SYNJ1: variants seen among roughly 807,000 people sequenced by gnomAD.
SYNJ1 encodes synaptojanin 1, also known as polyphosphatidylinositol phosphatase SYNJ1.
A neutral mutation model predicts 168.2 loss-of-function variants in SYNJ1; 78 were observed. The ratio of observed to expected loss-of-function variants is 0.46; its 90% CI spans 0.39 to 0.56. The LOEUF is 0.56. SYNJ1 is among the 20% of genes least tolerant of loss of function. SYNJ1 has a pLI of 0.00. For synonymous variants in SYNJ1, 539 were observed against 548.6 expected, an observed-to-expected ratio of 0.98 and a Z score of 0.24; for missense variants, 1,303 against 1,597.6, an observed-to-expected ratio of 0.82 and a Z score of 3.14.
chr21:32,632,028 A>G (rs1430847022), intron 32 of SYNJ1, among the ~76,000 whole-genome samples: 1 of 152,226 alleles, frequency 6.6e-6, no homozygotes, highest in Non-Finnish European at 1.5e-5. Flanking sequence ...CCATTTTTAA[A>G]TCCCTCAAAA....
intron 1 of SYNJ1, 21 bp from the exon 2 acceptor site, chr21:32,726,938 A>G (rs760069761): frequency 6.2e-7 from 1 of 1,612,036 alleles, no homozygotes; most frequent in Admixed American, 1.7e-5. Context: ...CAAGCAAAGC[A>G]AAGCAAATGA....
chr21:32,642,056 C>T, intron 28 of SYNJ1, 39 bp downstream of exon 28: 1 of 1,613,492 alleles, frequency 6.2e-7, no homozygotes, highest in East Asian at 2.2e-5. Flanking sequence ...TTTCACGGTC[C>T]AGTTTTAAGG....
chr21:32,660,931 T>C (rs2040673938), intron 18 of SYNJ1, among the ~76,000 whole-genome samples: 1 of 152,216 alleles, frequency 6.6e-6, no homozygotes, highest in Non-Finnish European at 1.5e-5. Flanking sequence ...CTCAGTGGCC[T>C]TAGGAAACTC....
At chr21:32,645,527 G>C in intron 25 of SYNJ1, 119 bp downstream of exon 25, 1 of 1,304,094 alleles carries the variant, frequency 7.7e-7, no homozygotes, top group South Asian at 1.7e-5. Context: ...CTAAGAAATA[G>C]CAATAATGAT....
chr21:32,688,605 G>A (rs113891683), intron 6 of SYNJ1, among the ~76,000 whole-genome samples: 6 of 152,000 alleles, frequency 3.9e-5, no homozygotes, highest in South Asian at 2.1e-4. Context: ...TGAAATACTC[G>A]TAAACTAGTA....
At chr21:32,669,088 T>C (rs1002485778) in intron 15 of SYNJ1, among the ~76,000 whole-genome samples, 1 of 152,218 alleles carries the variant, frequency 6.6e-6, no homozygotes, top group Admixed American at 6.5e-5. Flanking sequence ...CTTTTTAATA[T>C]TCTGTGTGAT....
chr21:32,728,043 C>A, upstream of SYNJ1: 2 of 1,530,002 alleles, frequency 1.3e-6, no homozygotes, highest in African/African-American at 1.4e-5. Context: ...TTCCGCATTG[C>A]GCCGCGGCCG....
chr21:32,712,348 G>C (rs892782060), intron 2 of SYNJ1, among the ~76,000 whole-genome samples: 1 of 152,162 alleles, frequency 6.6e-6, no homozygotes, highest in African/African-American at 2.4e-5. Flanking sequence ...AAAAAGAGTA[G>C]AGATTAGATC....
At chr21:32,728,142 A>G (rs1018677588), upstream of SYNJ1, 2 of 1,326,908 alleles carry the variant, frequency 1.5e-6, no homozygotes, top group Middle Eastern at 2.6e-4. Flanking sequence ...TGGGCCTGGC[A>G]CCCGCGGGCG....
chr21:32,643,476 G>T lies in SYNJ1; in HGVS notation c.3431-19C>A, dbSNP rs113557692. The stretch of plus-strand genomic sequence containing the variant: ...CCAATACCTTTTTAGAGAAAGAACA[G>T]AAACTATATATTGTTCAGGGCCCAC... On this transcript the variant is annotated intron_variant, in intron 26 of 32. Coordinates refer to ENST00000674351, the MANE Select transcript of SYNJ1 (RefSeq NM_203446.3). 1 of 1,612,166 alleles carries T rather than the reference G, an allele frequency of 6.2e-7. No homozygotes were observed.
intron 3 of SYNJ1, 47 bp downstream of exon 3, chr21:32,701,914 A>C: frequency 7.1e-7 from 1 of 1,414,150 alleles, no homozygotes; most frequent in Non-Finnish European, 9.6e-7. Flanking sequence ...TAGAATTACA[A>C]AATAGAAATG....
At chr21:32,642,213 G>T (rs113289244) in intron 27 of SYNJ1, 80 bp from the exon 28 acceptor site, 9 of 1,520,976 alleles carry the variant, frequency 5.9e-6, no homozygotes, top group Non-Finnish European at 8.2e-6. Flanking sequence ...TTGCTGTTCT[G>T]CTTCATTACC....
rs1302356872 is a variant in SYNJ1 at position 32,684,043 on chromosome 21, A to C, written c.1195T>G (p.Leu399Val). 1.9e-6 allele frequency: 3 copies of C among 1,613,468 alleles called. No individual in the cohort carries two copies. In the African/African-American group the frequency reaches 4.0e-5, roughly 22 times the overall value. Residue 399 changes from leucine (L) to valine (V), a missense_variant, in exon 10 of 33, where the codon TTA (leucine) becomes GTA (valine). Transcript: ENST00000674351. Reference protein sequence around the residue: ...RTNSVQAFLGLEMLAKQLEAL... With the variant: ...RTNSVQAFLGVEMLAKQLEAL... ...ATTTTAATTTATTCTTTTACCTCTA[A>C]GCCAAGAAATGCCTGCACACTATTT... is the stretch of plus-strand genomic sequence containing the variant.
rs2040514726 is a variant in SYNJ1 at position 32,657,744 on chromosome 21, T to C, written c.2433A>G (p.Arg811=). Reference sequence around the variant, plus strand: ...ATCTATCAAAAGGCCATTTCCTCCTTCTCCAAAGGACACGGTCTGTCCAGG... The same window carrying C: ...ATCTATCAAAAGGCCATTTCCTCCTCCTCCAAAGGACACGGTCTGTCCAGG... ...TPAWTDRVLW[R]RRKWPFDRSA... is the part of the protein sequence containing the mutation. The change falls in exon 19 of 33, where the codon AGA becomes AGG. Residue 811 remains arginine (R), a synonymous_variant. Coordinates refer to ENST00000674351, the MANE Select transcript of SYNJ1 (RefSeq NM_203446.3). 3.7e-6 allele frequency: 6 copies of C among 1,607,102 alleles called. No individual in the cohort carries two copies. The highest frequency in any genetic ancestry group is 5.1e-6 in the Non-Finnish European group (6 of 1,178,084).
chr21:32,694,452 C>T lies in SYNJ1; in HGVS notation c.706-141G>A, dbSNP rs550549475. The T allele has an allele frequency of 1.5e-3, 834 of 571,706 alleles. 1 individual carries two copies. Among genetic ancestry groups the T allele is most frequent in the Non-Finnish European group, 2.0e-3 (717 of 366,836 alleles). 35.4% of individuals were successfully genotyped at this position (571,706 alleles called of 1,614,324 possible). A position where few individuals can be genotyped will look rare whatever the true frequency, so the allele number is the denominator to read the frequency against. On this transcript the variant is annotated intron_variant, in intron 5 of 32. Transcript: ENST00000674351. ...CTCATATACAATTGTCCAAAACAGG[C>T]CACTATACAGGTTTGACTTTTTTTT...
chr21:32,723,804 G>A (rs1181439783), intron 2 of SYNJ1, among the ~76,000 whole-genome samples: 1 of 152,134 alleles, frequency 6.6e-6, no homozygotes, highest in Non-Finnish European at 1.5e-5. Context: ...ACTCCAGCCT[G>A]GGTGACAGAA....
intron 6 of SYNJ1, among the ~76,000 whole-genome samples, chr21:32,689,066 T>C (rs866147531): frequency 2.0e-5 from 3 of 152,210 alleles, no homozygotes; most frequent in Admixed American, 6.5e-5. Context: ...CTATTGTATA[T>C]TGTTATAATT....
In SYNJ1 at chr21:32,688,604, C is replaced by T. The variant is rs553431100; in HGVS notation, c.790-237G>A. Among the ~76,000 whole-genome samples the T allele has an allele frequency of 2.1e-4, 32 of 152,168 alleles. No homozygotes were observed. The South Asian group carries it at 5.6e-3, about 27-fold the overall frequency. ...AGAAGTTACATCATTATGAAATACT[C>T]GTAAACTAGTAGGAATTTTTATTGA... On this transcript the variant is annotated intron_variant, in intron 6 of 32. Transcript: ENST00000674351.
intron 9 of SYNJ1, 64 bp downstream of exon 9, chr21:32,685,684 A>G: frequency 8.1e-7 from 1 of 1,232,154 alleles, no homozygotes; most frequent in Non-Finnish European, 1.1e-6. Flanking sequence ...TTAAGAGTTC[A>G]ACGTTAAGAA....
Sources: allele counts gnomAD v4.1 joint callset (sites outside exome capture counted in the v4.1 genomes callset), GRCh38; gene constraint gnomAD v4.1.1; transcripts MANE v1.5; gene names NCBI Gene and HGNC (gene_info 2026-07-23, HGNC 2026-07-21).